The following RBMS3 variants were observed in gnomAD, a reference collection of about 807,000 sequenced individuals.
RBMS3 encodes the protein RNA-binding motif, single-stranded-interacting protein 3.
In RBMS3, 27 loss-of-function variants were observed where a neutral mutation model predicts 66.8. The observed-to-expected ratio is 0.40, with a 90% CI of 0.30 to 0.56. The LOEUF (loss-of-function observed/expected upper bound fraction) is 0.56. Ranked by LOEUF, RBMS3 falls within the 20% of genes least tolerant of loss-of-function variation. The pLI is 0.40. For missense variants in RBMS3, 513 were observed against 549.5 expected, an observed-to-expected ratio of 0.93 and a Z score of 0.66; for synonymous variants, 188 against 183.0, an observed-to-expected ratio of 1.03 and a Z score of -0.22.
chr3:29,768,540 A>G (rs1418005469), intron 6 of RBMS3, among the ~76,000 whole-genome samples: 3 of 151,996 alleles, frequency 2.0e-5, no homozygotes, highest in Admixed American at 6.6e-5. Flanking sequence ...TTTCGGCTGC[A>G]TATGAGATGC....
chr3:29,473,889 A>G (rs76611311), intron 2 of RBMS3, among the ~76,000 whole-genome samples: 5,112 of 152,292 alleles, frequency 0.034, 308 homozygotes, highest in African/African-American at 0.12. Context: ...CTCTCCCTCC[A>G]TACCTCTCTG....
At chr3:29,825,081 G>A (rs531276969) in intron 6 of RBMS3, among the ~76,000 whole-genome samples, 1 of 150,942 alleles carries the variant, frequency 6.6e-6, no homozygotes, top group East Asian at 2.0e-4. Context: ...TGTTGCCCAG[G>A]CTGGAGTGCA....
At chr3:29,561,188 A>G (rs958111880) in intron 3 of RBMS3, among the ~76,000 whole-genome samples, 1 of 152,156 alleles carries the variant, frequency 6.6e-6, no homozygotes, top group Admixed American at 6.5e-5. Context: ...TGAATAGTGC[A>G]GCAGTGAACA....
chr3:29,851,110 C>T (rs181756985), intron 6 of RBMS3, among the ~76,000 whole-genome samples: 1 of 152,332 alleles, frequency 6.6e-6, no homozygotes, highest in African/African-American at 2.4e-5. Flanking sequence ...CTGCTCCTTA[C>T]ATTACCTTAT....
At chr3:29,700,378 C>G (rs1007150892) in intron 4 of RBMS3, among the ~76,000 whole-genome samples, 2 of 152,148 alleles carry the variant, frequency 1.3e-5, no homozygotes, top group African/African-American at 4.8e-5. Context: ...TGAATCCTTT[C>G]CATTGAGGCA....
At chr3:29,999,146 C>G (rs1252676562) in intron 14 of RBMS3, among the ~76,000 whole-genome samples, 2 of 152,176 alleles carry the variant, frequency 1.3e-5, no homozygotes, top group Middle Eastern at 3.4e-3. Flanking sequence ...TATGCAGCCA[C>G]AAGACACATG....
At chr3:29,748,362 C>T (rs550090913) in intron 5 of RBMS3, among the ~76,000 whole-genome samples, 7 of 152,188 alleles carry the variant, frequency 4.6e-5, no homozygotes, top group South Asian at 2.1e-4. Flanking sequence ...TGATTAAGTA[C>T]AGAGTTTATT....
rs949193762 is a variant in RBMS3 at position 30,005,293 on chromosome 3, G to A, written c.*1431G>A. 2.6e-5 allele frequency: 4 copies of A among 151,682 alleles called. No homozygotes were observed. The highest frequency in any genetic ancestry group is 9.7e-5 in the African/African-American group (4 of 41,342). The allele number at this position is 151,682 out of a possible 1,614,324, so 9.4% of individuals were successfully genotyped here. A position where few individuals can be genotyped will look rare whatever the true frequency, so the allele number is the denominator to read the frequency against. ...GTACCTGCTGTGTTTAGCAGTTTCAGCATGAAGAGTTCTGGATATGAACTG... is the reference window on the plus strand; with the variant it reads ...GTACCTGCTGTGTTTAGCAGTTTCAACATGAAGAGTTCTGGATATGAACTG... On this transcript the variant is annotated 3_prime_UTR_variant, in exon 15 of 15. Coordinates refer to ENST00000383767, the MANE Select transcript of RBMS3 (RefSeq NM_001003793.3).
intron 1 of RBMS3, among the ~76,000 whole-genome samples, chr3:29,391,883 A>T (rs1013876631): frequency 6.6e-6 from 1 of 152,242 alleles, no homozygotes. Context: ...CCCATTGACA[A>T]TTAAATGAGT....
chr3:29,460,321 G>A (rs892033212), intron 2 of RBMS3, among the ~76,000 whole-genome samples: 2 of 152,146 alleles, frequency 1.3e-5, no homozygotes, highest in African/African-American at 4.8e-5. Context: ...AATACAAAAT[G>A]TTTGTGTGTT....
intron 4 of RBMS3, among the ~76,000 whole-genome samples, chr3:29,665,168 A>T (rs1325905132): frequency 6.6e-6 from 1 of 152,182 alleles, no homozygotes; most frequent in East Asian, 1.9e-4. Flanking sequence ...TGAAAGATAA[A>T]TATTTAACTA....
chr3:29,747,374 C>CTAGG (rs199844743), intron 5 of RBMS3, among the ~76,000 whole-genome samples: 181 of 145,374 alleles, frequency 1.2e-3, no homozygotes, highest in Middle Eastern at 6.9e-3. Flanking sequence ...ATCTATCTAT[C>CTAGG]TAGGTAGGTA....
intron 1 of RBMS3, among the ~76,000 whole-genome samples, chr3:29,294,800 G>C (rs2033108603): frequency 6.6e-6 from 1 of 151,684 alleles, no homozygotes; most frequent in African/African-American, 2.4e-5. Flanking sequence ...AAAATCCAGG[G>C]TCTTGACTAC....
chr3:29,786,198 C>CAAAT (rs776937969), intron 6 of RBMS3, among the ~76,000 whole-genome samples: 2 of 151,008 alleles, frequency 1.3e-5, no homozygotes, highest in African/African-American at 2.4e-5. Flanking sequence ...ACAACACAAA[C>CAAAT]AAATGGAAAT....
chr3:29,448,606 C>G (rs765421659), intron 2 of RBMS3, among the ~76,000 whole-genome samples: 37 of 152,146 alleles, frequency 2.4e-4, no homozygotes, highest in Non-Finnish European at 4.6e-4. Context: ...TCAGAGTTGA[C>G]ATTTTAGTGA....
At chr3:29,406,565 G>A (rs2040023154) in intron 1 of RBMS3, among the ~76,000 whole-genome samples, 2 of 152,094 alleles carry the variant, frequency 1.3e-5, no homozygotes, top group Admixed American at 1.3e-4. Context: ...CACATGATTT[G>A]TTAAGTTCTA....
chr3:29,382,832 GTTA>G (rs1431238496), intron 1 of RBMS3, among the ~76,000 whole-genome samples: 1 of 97,470 alleles, frequency 1.0e-5, no homozygotes, highest in Non-Finnish European at 3.0e-5. Flanking sequence ...TCCTGGATTT[GTTA>G]TTTTTTCTCC....
Position 29,411,157 on chromosome 3 carries a change from C to A in RBMS3, c.76-23586C>A, listed in dbSNP as rs2040251074. The stretch of plus-strand genomic sequence containing the variant: ...TATCCTTTGATATCTGATATCCATT[C>A]ATCATAAACAGGCTTCTTTCATTTT... On this transcript the variant is annotated intron_variant, in intron 1 of 14. Transcript: ENST00000383767. Among the ~76,000 whole-genome samples the A allele has an allele frequency of 1.3e-5, 2 of 152,236 alleles. 1 individual carries two copies. Among genetic ancestry groups the A allele is most frequent in the Non-Finnish European group, 2.9e-5 (2 of 68,020 alleles).
At chr3:29,928,180 T>TTATATATATATATATATATA (rs1199975605) in intron 10 of RBMS3, among the ~76,000 whole-genome samples, 1 of 102,588 alleles carries the variant, frequency 9.7e-6, no homozygotes, top group African/African-American at 4.1e-5. Flanking sequence ...TCTTCAAATT[T>TTATATATATATATATATATA]TATATATATA....
Sources: gnomAD v4.1 joint callset for allele counts (sites outside exome capture counted in the v4.1 genomes callset) on GRCh38, gnomAD v4.1.1 for gene constraint, MANE v1.5 for transcripts, NCBI Gene and HGNC (gene_info 2026-07-23, HGNC 2026-07-21) for gene names.